Variants in EYS observed in about 807,000 individuals in gnomAD.
EYS encodes the protein protein eyes shut homolog.
Under a neutral mutation model 282.1 loss-of-function variants are expected in EYS, and 250 were observed. That is an observed-to-expected ratio of 0.89 (90% CI 0.80 to 0.98). The LOEUF is 0.98. EYS is among the 50% of genes least tolerant of loss of function. EYS has a pLI of 0.00. For missense variants in EYS, 4,016 were observed against 3,709.0 expected (o/e 1.08, Z -2.15); for synonymous variants, 1,355 against 1,282.9 (o/e 1.06, Z -1.20).
intron 26 of EYS, among the ~76,000 whole-genome samples, chr6:64,462,820 T>A (rs1400289815): frequency 1.3e-5 from 2 of 152,144 alleles, no homozygotes; most frequent in African/African-American, 4.8e-5. Context: ...TGTAAATTAT[T>A]TCATTATCTT....
Position 65,172,102 on chromosome 6 carries a change from T to G in EYS, c.2024-114375A>C, listed in dbSNP as rs139690468. ...AAACTGAATTTAAGCAGGGTCTCCC[T>G]CTTATAGAGAACTGCAATACTCATT... On this transcript the variant is annotated intron_variant, in intron 12 of 42. Transcript: ENST00000503581. Among the ~76,000 whole-genome samples the G allele has an allele frequency of 9.3e-5, 14 of 151,284 alleles. No individual in the cohort carries two copies. The East Asian group carries it at 2.7e-3, about 30-fold the overall frequency.
intron 19 of EYS, among the ~76,000 whole-genome samples, chr6:64,824,270 T>C (rs979660091): frequency 6.6e-6 from 1 of 151,864 alleles, no homozygotes; most frequent in African/African-American, 2.4e-5. Flanking sequence ...CCAACAGAAA[T>C]GGAATGGGAA....
At chr6:63,780,930 G>T (rs996930917) in intron 39 of EYS, among the ~76,000 whole-genome samples, 1 of 152,112 alleles carries the variant, frequency 6.6e-6, no homozygotes, top group Admixed American at 6.5e-5. Context: ...TTTGTATAAG[G>T]TGTAAGGAAG....
At chr6:65,231,985 T>C (rs1766794901) in intron 12 of EYS, among the ~76,000 whole-genome samples, 1 of 151,994 alleles carries the variant, frequency 6.6e-6, no homozygotes, top group Non-Finnish European at 1.5e-5. Context: ...GCCACTATTG[T>C]GTGCAAGACC....
At chr6:65,227,763 T>C (rs1042060005) in intron 12 of EYS, among the ~76,000 whole-genome samples, 5 of 152,082 alleles carry the variant, frequency 3.3e-5, no homozygotes, top group Non-Finnish European at 1.5e-5. Context: ...TTATGATACA[T>C]GATACAGCAT....
At chr6:65,000,509 C>G (rs1428055478) in intron 13 of EYS, among the ~76,000 whole-genome samples, 1 of 152,170 alleles carries the variant, frequency 6.6e-6, no homozygotes. Flanking sequence ...AGGTGGCTCA[C>G]ACTTGTAATC....
At chr6:63,993,811 A>G (rs1010604243) in intron 34 of EYS, among the ~76,000 whole-genome samples, 1 of 151,964 alleles carries the variant, frequency 6.6e-6, no homozygotes, top group Non-Finnish European at 1.5e-5. Context: ...TGGAATTTAT[A>G]TGGCACCAAA....
At chr6:65,026,237 C>A (rs1183293624) in intron 13 of EYS, among the ~76,000 whole-genome samples, 1 of 152,100 alleles carries the variant, frequency 6.6e-6, no homozygotes, top group Non-Finnish European at 1.5e-5. Flanking sequence ...TATTATTAGG[C>A]AAACATAATT....
chr6:64,020,343 G>A (rs1769129268), intron 33 of EYS, among the ~76,000 whole-genome samples: 1 of 152,092 alleles, frequency 6.6e-6, no homozygotes, highest in Non-Finnish European at 1.5e-5. Context: ...ATGTATAAAT[G>A]TAATATATCA....
intron 13 of EYS, among the ~76,000 whole-genome samples, chr6:65,010,738 G>C (rs1047507050): frequency 5.3e-5 from 8 of 152,130 alleles, no homozygotes; most frequent in African/African-American, 1.9e-4. Flanking sequence ...AAGGAAAAAG[G>C]GTAAATATAT....
At chr6:65,193,081 C>T (rs1006865566) in intron 12 of EYS, among the ~76,000 whole-genome samples, 2 of 151,852 alleles carry the variant, frequency 1.3e-5, no homozygotes, top group African/African-American at 2.4e-5. Context: ...GAAAGACAAA[C>T]ATTTACGTTC....
At chr6:64,752,849 A>G (rs1772806847) in intron 22 of EYS, among the ~76,000 whole-genome samples, 1 of 152,204 alleles carries the variant, frequency 6.6e-6, no homozygotes, top group South Asian at 2.1e-4. Flanking sequence ...AAAGACTACT[A>G]GAACAGCTGC....
At chr6:64,701,005 C>G (rs1227596332) in intron 22 of EYS, among the ~76,000 whole-genome samples, 1 of 151,922 alleles carries the variant, frequency 6.6e-6, no homozygotes, top group Non-Finnish European at 1.5e-5. Context: ...ACAACATGAT[C>G]CTGGTGTAAA....
At chr6:65,527,328 G>T (rs1380157218) in intron 2 of EYS, among the ~76,000 whole-genome samples, 1 of 152,146 alleles carries the variant, frequency 6.6e-6, no homozygotes, top group African/African-American at 2.4e-5. Context: ...ATATACTGGG[G>T]TATGACTCAC....
chr6:64,988,270 G>T (rs1254657600), intron 14 of EYS, among the ~76,000 whole-genome samples: 2 of 151,514 alleles, frequency 1.3e-5, no homozygotes, highest in Non-Finnish European at 3.0e-5. Flanking sequence ...TTTGCTTTGT[G>T]TCTATCAGAT....
At chr6:65,418,433 T>A (rs1582266537) in intron 5 of EYS, among the ~76,000 whole-genome samples, 1 of 152,004 alleles carries the variant, frequency 6.6e-6, no homozygotes, top group South Asian at 2.1e-4. Flanking sequence ...TATGTTTATT[T>A]CAGCACTATT....
At chr6:63,919,535 T>C (rs1764512742) in intron 35 of EYS, among the ~76,000 whole-genome samples, 1 of 151,922 alleles carries the variant, frequency 6.6e-6, no homozygotes, top group Non-Finnish European at 1.5e-5. Context: ...GACAAGAGAG[T>C]TTGGAAAGCA....
intron 31 of EYS, among the ~76,000 whole-genome samples, chr6:64,131,090 A>G (rs1013171861): frequency 8.0e-5 from 11 of 137,232 alleles, no homozygotes; most frequent in African/African-American, 3.0e-4. Flanking sequence ...CTGGTCTTGA[A>G]CTCTTGACTT....
intron 5 of EYS, among the ~76,000 whole-genome samples, chr6:65,440,772 A>G (rs1179822956): frequency 2.0e-5 from 3 of 150,386 alleles, no homozygotes; most frequent in Middle Eastern, 3.5e-3. Context: ...ATTAATTTAT[A>G]TTAATGTCTG....
Sources: allele counts gnomAD v4.1 joint callset (sites outside exome capture counted in the v4.1 genomes callset), GRCh38; gene constraint gnomAD v4.1.1; transcripts MANE v1.5; gene names NCBI Gene and HGNC (gene_info 2026-07-23, HGNC 2026-07-21).